PPFIBP2: variants seen among roughly 807,000 people sequenced by gnomAD.
PPFIBP2 encodes PPFIB scaffold protein 2.
In PPFIBP2, 118 loss-of-function variants were observed where a neutral mutation model predicts 118.3. That is an observed-to-expected ratio of 1.00 (90% CI 0.86 to 1.16). PPFIBP2 has a LOEUF of 1.16. Ranked by LOEUF, PPFIBP2 falls within the 50% of genes most tolerant of loss-of-function variation. The pLI, the probability that PPFIBP2 is intolerant of heterozygous loss-of-function variation, is 0.00. For missense variants in PPFIBP2, 1,195 were observed against 1,073.1 expected, an observed-to-expected ratio of 1.11 and a Z score of -1.59; for synonymous variants, 414 against 397.4, an observed-to-expected ratio of 1.04 and a Z score of -0.50.
intron 3 of PPFIBP2, among the ~76,000 whole-genome samples, chr11:7,573,148 C>T (rs995922169): frequency 6.6e-5 from 10 of 152,260 alleles, no homozygotes; most frequent in African/African-American, 1.4e-4. Flanking sequence ...ACCAGTAGTA[C>T]GAGCATCACC....
chr11:7,660,228 G>A (rs762686740), downstream of PPFIBP2, among the ~76,000 whole-genome samples: 2,205 of 127,050 alleles, frequency 0.017, 518 homozygotes, highest in Middle Eastern at 0.042. Flanking sequence ...TCTTGTGCCC[G>A]TTTTCAAAGG....
chr11:7,630,336 G>C (rs1850591627), intron 10 of PPFIBP2, among the ~76,000 whole-genome samples: 1 of 152,182 alleles, frequency 6.6e-6, no homozygotes, highest in South Asian at 2.1e-4. Flanking sequence ...TTTTGAGATG[G>C]AGTGTTACTC....
chr11:7,642,844 A>G (rs886602265), intron 17 of PPFIBP2, among the ~76,000 whole-genome samples: 2 of 152,228 alleles, frequency 1.3e-5, no homozygotes, highest in African/African-American at 4.8e-5. Flanking sequence ...ATTTCCCTAA[A>G]TGCATCATAT....
At chr11:7,641,767 T>C (rs1007378415) in intron 16 of PPFIBP2, 147 bp downstream of exon 16, 3 of 853,308 alleles carry the variant, frequency 3.5e-6, no homozygotes, top group African/African-American at 1.7e-5. Context: ...ATCTGAGATA[T>C]TTTCCAGGGC....
At chr11:7,589,119 A>T (rs1858748390) in intron 3 of PPFIBP2, among the ~76,000 whole-genome samples, 1 of 152,206 alleles carries the variant, frequency 6.6e-6, no homozygotes, top group African/African-American at 2.4e-5. Flanking sequence ...AAGTTTGATC[A>T]AATATATGTA....
intron 7 of PPFIBP2, among the ~76,000 whole-genome samples, chr11:7,622,084 G>GA: frequency 6.6e-6 from 1 of 152,324 alleles, no homozygotes; most frequent in East Asian, 1.9e-4. Flanking sequence ...AATTTATAAA[G>GA]AAGAGGTTTA....
intron 1 of PPFIBP2, among the ~76,000 whole-genome samples, chr11:7,517,793 G>A (rs536867173): frequency 4.0e-4 from 61 of 152,270 alleles, no homozygotes; most frequent in African/African-American, 1.3e-3. Context: ...GGTAGTTGCC[G>A]GGGCATCCAT....
intron 6 of PPFIBP2, 90 bp downstream of exon 6, chr11:7,610,512 A>G (rs1226550886): frequency 9.1e-6 from 14 of 1,540,958 alleles, no homozygotes; most frequent in Non-Finnish European, 1.1e-5. Context: ...CCAGCCTGGA[A>G]GCTATTGGGT....
intron 5 of PPFIBP2, among the ~76,000 whole-genome samples, chr11:7,604,213 G>C (rs1038640762): frequency 2.6e-5 from 4 of 152,168 alleles, no homozygotes; most frequent in African/African-American, 9.7e-5. Context: ...AAAAAAGAAA[G>C]GTCAGGAAAA....
At chr11:7,581,103 T>C (rs1041744412) in intron 3 of PPFIBP2, among the ~76,000 whole-genome samples, 4 of 152,220 alleles carry the variant, frequency 2.6e-5, no homozygotes, top group African/African-American at 9.6e-5. Context: ...GAGTGAAGGC[T>C]GATCAGGGCT....
chr11:7,541,003 G>A (rs1037545826), intron 1 of PPFIBP2, among the ~76,000 whole-genome samples: 10 of 152,232 alleles, frequency 6.6e-5, no homozygotes, highest in African/African-American at 9.6e-5. Flanking sequence ...AGTTAAAGCC[G>A]TGACCAAGTA....
intron 1 of PPFIBP2, among the ~76,000 whole-genome samples, chr11:7,532,409 C>A (rs1297131266): frequency 6.6e-6 from 1 of 152,112 alleles, no homozygotes; most frequent in Non-Finnish European, 1.5e-5. Context: ...TTCCAAAATC[C>A]TCATTGAACA....
chr11:7,609,754 A>G (rs957174441), intron 5 of PPFIBP2, among the ~76,000 whole-genome samples: 3 of 152,198 alleles, frequency 2.0e-5, no homozygotes, highest in Non-Finnish European at 2.9e-5. Flanking sequence ...CATCTCACAT[A>G]AGATTCCTAT....
At chr11:7,617,379 C>A (rs1848784603) in intron 6 of PPFIBP2, 1 of 855,822 alleles carries the variant, frequency 1.2e-6, no homozygotes, top group Non-Finnish European at 1.4e-6. Flanking sequence ...CTAACCAGAA[C>A]AGAGTGCAGT....
intron 2 of PPFIBP2, among the ~76,000 whole-genome samples, chr11:7,556,076 T>G (rs974865965): frequency 1.3e-5 from 2 of 152,238 alleles, no homozygotes; most frequent in South Asian, 4.1e-4. Flanking sequence ...ATTAGAATTA[T>G]TCTTTAATGT....
intron 1 of PPFIBP2, among the ~76,000 whole-genome samples, chr11:7,514,626 T>C (rs1849070342): frequency 2.0e-5 from 3 of 152,140 alleles, no homozygotes; most frequent in Non-Finnish European, 4.4e-5. Context: ...AGTGCAAAAA[T>C]ACAGCACACT....
chr11:7,580,765 T>C (rs749787372), intron 3 of PPFIBP2, among the ~76,000 whole-genome samples: 3 of 152,196 alleles, frequency 2.0e-5, no homozygotes, highest in Admixed American at 6.5e-5. Context: ...ACCTACCACA[T>C]ACAGGCTTTA....
chr11:7,550,843 C>T (rs1202713636), intron 2 of PPFIBP2, among the ~76,000 whole-genome samples: 3 of 152,106 alleles, frequency 2.0e-5, no homozygotes. Flanking sequence ...CATGAAAAGT[C>T]TAGACTAGCT....
intron 17 of PPFIBP2, among the ~76,000 whole-genome samples, chr11:7,644,459 A>T (rs997165837): frequency 6.6e-6 from 1 of 152,232 alleles, no homozygotes; most frequent in Admixed American, 6.5e-5. Flanking sequence ...ACATGGCTGG[A>T]TCCCACCTTT....
Sources: gnomAD v4.1 joint callset for allele counts (sites outside exome capture counted in the v4.1 genomes callset) on GRCh38, gnomAD v4.1.1 for gene constraint, MANE v1.5 for transcripts, NCBI Gene and HGNC (gene_info 2026-07-23, HGNC 2026-07-21) for gene names.